Variants in TRAPPC9 observed in about 807,000 individuals in gnomAD.
TRAPPC9 encodes IKK2 binding protein.
TRAPPC9 carries 83 observed loss-of-function variants against 124.0 expected under a neutral mutation model. That is an observed-to-expected ratio of 0.67 (90% CI 0.56 to 0.80). TRAPPC9 has a LOEUF of 0.80. Among genes scored for constraint, TRAPPC9 ranks in the 30% least tolerant of loss-of-function variants. The probability of loss-of-function intolerance (pLI) is 0.00; values close to 1 mark genes in which losing one functional copy is unlikely to be tolerated. For synonymous variants in TRAPPC9, 638 were observed against 617.5 expected (o/e 1.03, Z -0.49); for missense variants, 1,302 against 1,508.3 (o/e 0.86, Z 2.27).
intron 16 of TRAPPC9, among the ~76,000 whole-genome samples, chr8:140,235,076 T>C (rs2063700612): frequency 6.6e-6 from 1 of 152,160 alleles, no homozygotes; most frequent in African/African-American, 2.4e-5. Context: ...GTTCAAGCAA[T>C]TCTCCTGCCT....
chr8:140,100,670 C>G (rs1323642120), intron 17 of TRAPPC9: 1 of 152,320 alleles, frequency 6.6e-6, no homozygotes, highest in Admixed American at 6.5e-5. Flanking sequence ...GAAGCGGACT[C>G]TGCATTCAGG....
chr8:140,242,383 G>A (rs2063881589), intron 16 of TRAPPC9, among the ~76,000 whole-genome samples: 1 of 152,174 alleles, frequency 6.6e-6, no homozygotes, highest in Admixed American at 6.5e-5. Context: ...TTAAGAGAAA[G>A]AACAGATGAG....
chr8:140,208,225 G>A (rs533501095), intron 17 of TRAPPC9, among the ~76,000 whole-genome samples: 10 of 152,022 alleles, frequency 6.6e-5, no homozygotes, highest in South Asian at 6.2e-4. Context: ...TCAGTTAGTT[G>A]CTGAGGCACC....
intron 17 of TRAPPC9, among the ~76,000 whole-genome samples, chr8:140,128,984 TATAC>T (rs2061149896): frequency 1.6e-5 from 2 of 127,728 alleles, no homozygotes; most frequent in South Asian, 2.2e-4. Flanking sequence ...TATATATATA[TATAC>T]ATATATATAT....
intron 9 of TRAPPC9, among the ~76,000 whole-genome samples, chr8:140,347,700 C>G (rs1373068614): frequency 2.0e-5 from 3 of 152,202 alleles, no homozygotes; most frequent in Admixed American, 2.0e-4. Flanking sequence ...TCAATCTCTC[C>G]TCTGTTGCAA....
chr8:139,811,783 C>T (rs1275217789), intron 21 of TRAPPC9, among the ~76,000 whole-genome samples: 1 of 152,182 alleles, frequency 6.6e-6, no homozygotes, highest in Non-Finnish European at 1.5e-5. Flanking sequence ...GCTGAGTGAT[C>T]AATTAAATTT....
At chr8:140,322,597 G>C (rs1464526713) in intron 9 of TRAPPC9, among the ~76,000 whole-genome samples, 3 of 152,046 alleles carry the variant, frequency 2.0e-5, no homozygotes, top group Non-Finnish European at 4.4e-5. Flanking sequence ...GGAGGCTGAG[G>C]CAGGAGGATT....
At chr8:140,078,754 C>G (rs1168708222) in intron 17 of TRAPPC9, among the ~76,000 whole-genome samples, 4 of 152,136 alleles carry the variant, frequency 2.6e-5, no homozygotes, top group Admixed American at 6.5e-5. Flanking sequence ...CAGTCCCAAA[C>G]TCAGAGGTCT....
At chr8:139,748,737 G>A (rs1335193304) in intron 21 of TRAPPC9, among the ~76,000 whole-genome samples, 1 of 152,032 alleles carries the variant, frequency 6.6e-6, no homozygotes, top group East Asian at 1.9e-4. Flanking sequence ...CTCTGTTGCT[G>A]CCCTCGGCAT....
intron 15 of TRAPPC9, among the ~76,000 whole-genome samples, chr8:140,272,230 AGTGGTAGTG>A (rs1173678857): frequency 2.1e-5 from 1 of 47,526 alleles, no homozygotes; most frequent in Non-Finnish European, 3.8e-5. Context: ...TTGTGTTGAT[AGTGGTAGTG>A]GTGGGGGTGG....
chr8:140,208,280 T>C (rs748618768), intron 17 of TRAPPC9, among the ~76,000 whole-genome samples: 8 of 152,208 alleles, frequency 5.3e-5, no homozygotes, highest in South Asian at 2.1e-4. Context: ...ACCATTTCTA[T>C]GAGACACACC....
intron 19 of TRAPPC9, among the ~76,000 whole-genome samples, chr8:139,923,110 T>C (rs1300697965): frequency 2.8e-5 from 3 of 106,868 alleles, no homozygotes; most frequent in South Asian, 3.6e-4. Context: ...TGGGATGCCA[T>C]CCGTTCCGGA....
At chr8:140,324,627 G>A (rs1377563951) in intron 9 of TRAPPC9, among the ~76,000 whole-genome samples, 2 of 152,008 alleles carry the variant, frequency 1.3e-5, no homozygotes, top group African/African-American at 4.8e-5. Flanking sequence ...AAAATTAGGC[G>A]GGCATGGTAG....
At chr8:139,838,632 T>C (rs1826517843) in intron 21 of TRAPPC9, among the ~76,000 whole-genome samples, 1 of 151,998 alleles carries the variant, frequency 6.6e-6, no homozygotes, top group Admixed American at 6.5e-5. Context: ...GGGCCAGGCC[T>C]CTCCAGGAAG....
At chr8:140,013,183 G>A (rs1421113719) in intron 18 of TRAPPC9, among the ~76,000 whole-genome samples, 3 of 152,162 alleles carry the variant, frequency 2.0e-5, no homozygotes, top group Admixed American at 6.5e-5. Context: ...GGGCCAGATG[G>A]AGTTCAAGCC....
In TRAPPC9 at chr8:140,376,384, G is replaced by A. The variant is rs536869208; in HGVS notation, c.1135-5204C>T. Among the ~76,000 whole-genome samples, 234 of 151,384 alleles carry A rather than the reference G, an allele frequency of 1.5e-3. 6 individuals carry two copies. The highest frequency in any genetic ancestry group is 9.9e-3 in the Admixed American group (151 of 15,206). On this transcript the variant is annotated intron_variant, in intron 7 of 22. Transcript: ENST00000438773. Reference sequence around the variant, plus strand: ...ATCCTGGCCAACACAGTGAAACCCCGTCTCTACTAAAAATACAAAAAATTA... The same window carrying A: ...ATCCTGGCCAACACAGTGAAACCCCATCTCTACTAAAAATACAAAAAATTA...
chr8:139,761,187 G>C (rs913381166), intron 21 of TRAPPC9, among the ~76,000 whole-genome samples: 4 of 152,216 alleles, frequency 2.6e-5, no homozygotes, highest in Admixed American at 2.0e-4. Flanking sequence ...TCCTGGGCAG[G>C]GGATGAGGTG....
At chr8:139,885,823 T>G in intron 21 of TRAPPC9, 56 bp downstream of exon 21, 1 of 1,509,968 alleles carries the variant, frequency 6.6e-7, no homozygotes, top group Non-Finnish European at 9.0e-7. Flanking sequence ...TGCTCGTGCA[T>G]TTGGAGAAAA....
Position 139,731,975 on chromosome 8 carries a change from G to T in TRAPPC9, c.3279+4C>A. The T allele has an allele frequency of 1.3e-6, 2 of 1,569,350 alleles. No homozygotes were observed. The highest frequency in any genetic ancestry group is 1.7e-6 in the Non-Finnish European group (2 of 1,156,642). ...CCCAGACCGCCTTGCACACCACCAC[G>T]CACCGCGTCGAGGTAGAAGGTGCTG... is the stretch of plus-strand genomic sequence containing the variant. On this transcript the variant is annotated splice_donor_region_variant and intron_variant, in intron 22 of 22. Transcript: ENST00000438773.
Sources: gnomAD v4.1 joint callset for allele counts (sites outside exome capture counted in the v4.1 genomes callset) on GRCh38, gnomAD v4.1.1 for gene constraint, MANE v1.5 for transcripts, NCBI Gene and HGNC (gene_info 2026-07-23, HGNC 2026-07-21) for gene names.